The following ADAMTSL1 variants were observed in gnomAD, a reference collection of about 807,000 sequenced individuals.
ADAMTSL1 encodes ADAMTS like 1, also known as ADAMTS-like protein 1.
A neutral mutation model predicts 201.8 loss-of-function variants in ADAMTSL1; 126 were observed. The observed-to-expected ratio is 0.62, with a 90% CI of 0.54 to 0.72. The LOEUF is 0.72. Among genes scored for constraint, ADAMTSL1 ranks in the 30% least tolerant of loss-of-function variants. The pLI is 0.00. For missense variants in ADAMTSL1, 2,679 were observed against 2,277.8 expected (o/e 1.18, Z -3.59); for synonymous variants, 1,121 against 903.4 (o/e 1.24, Z -4.32).
At chr9:18,592,936 C>A (rs1238810274) in intron 4 of ADAMTSL1, among the ~76,000 whole-genome samples, 2 of 152,150 alleles carry the variant, frequency 1.3e-5, no homozygotes, top group South Asian at 2.1e-4. Flanking sequence ...AGATATTTCA[C>A]TTCTCTGGTT....
intron 4 of ADAMTSL1, among the ~76,000 whole-genome samples, chr9:18,581,639 T>G (rs145210906): frequency 1.3e-5 from 2 of 152,282 alleles, no homozygotes; most frequent in African/African-American, 4.8e-5. Flanking sequence ...TGTGCACATT[T>G]GAAACCAAAA....
intron 1 of ADAMTSL1, among the ~76,000 whole-genome samples, chr9:18,477,385 C>A (rs1358009673): frequency 3.3e-5 from 5 of 152,112 alleles, no homozygotes; most frequent in Admixed American, 3.3e-4. Context: ...TCTTTTTCTT[C>A]TCTGTACTAA....
At chr9:18,120,758 A>G (rs1323463944) in intron 1 of ADAMTSL1, among the ~76,000 whole-genome samples, 2 of 152,228 alleles carry the variant, frequency 1.3e-5, no homozygotes, top group Non-Finnish European at 2.9e-5. Context: ...ATATAAATTA[A>G]GTTTAAGAAG....
chr9:18,850,996 A>T (rs940471533), intron 23 of ADAMTSL1, among the ~76,000 whole-genome samples: 2 of 151,806 alleles, frequency 1.3e-5, no homozygotes, highest in Non-Finnish European at 2.9e-5. Flanking sequence ...ATAATTGCTA[A>T]TTTTTTTTTA....
At chr9:18,280,229 G>A (rs1327055450) in intron 2 of ADAMTSL1, among the ~76,000 whole-genome samples, 1 of 152,000 alleles carries the variant, frequency 6.6e-6, no homozygotes, top group Admixed American at 6.5e-5. Context: ...GGGTCTGAAT[G>A]CTGGGTCCAT....
intron 2 of ADAMTSL1, among the ~76,000 whole-genome samples, chr9:18,420,488 T>A (rs1818893142): frequency 6.6e-6 from 1 of 152,156 alleles, no homozygotes; most frequent in Non-Finnish European, 1.5e-5. Flanking sequence ...GCTCAGAATT[T>A]TTCTGACCTG....
chr9:18,555,291 G>A (rs903759193), intron 3 of ADAMTSL1, among the ~76,000 whole-genome samples: 9 of 151,850 alleles, frequency 5.9e-5, no homozygotes, highest in Admixed American at 4.6e-4. Flanking sequence ...TTTTAGAATC[G>A]ACTTCCATCA....
At chr9:18,067,298 TG>T (rs994353567) in intron 1 of ADAMTSL1, among the ~76,000 whole-genome samples, 2 of 152,294 alleles carry the variant, frequency 1.3e-5, no homozygotes, top group African/African-American at 4.8e-5. Flanking sequence ...CTACTTTATT[TG>T]TTTTACTTAC....
chr9:18,724,767 G>T (rs1003171793), intron 15 of ADAMTSL1, among the ~76,000 whole-genome samples: 1 of 152,166 alleles, frequency 6.6e-6, no homozygotes, highest in African/African-American at 2.4e-5. Context: ...TATTATCAAT[G>T]ACAGCTGGGA....
At chr9:18,065,601 G>A (rs575776638) in intron 1 of ADAMTSL1, among the ~76,000 whole-genome samples, 19 of 152,284 alleles carry the variant, frequency 1.2e-4, no homozygotes, top group Non-Finnish European at 2.6e-4. Flanking sequence ...ATAAAATGAC[G>A]TCTTTAAATT....
chr9:18,114,167 C>T (rs1299383513), intron 1 of ADAMTSL1, among the ~76,000 whole-genome samples: 1 of 152,094 alleles, frequency 6.6e-6, no homozygotes, highest in Non-Finnish European at 1.5e-5. Context: ...GCTGAAGATA[C>T]TCATTGGATT....
At chr9:18,681,701 G>GGGGC in intron 11 of ADAMTSL1, 111 bp from the exon 12 acceptor site, 7 of 470,098 alleles carry the variant, frequency 1.5e-5, no homozygotes, top group South Asian at 4.2e-5. Context: ...CTCGTGTGGG[G>GGGGC]GGGGGGGGCG....
chr9:18,612,538 A>G (rs866586441), intron 4 of ADAMTSL1, among the ~76,000 whole-genome samples: 1 of 152,286 alleles, frequency 6.6e-6, no homozygotes, highest in African/African-American at 2.4e-5. Context: ...CTTAATAAAT[A>G]TCAATGGAAC....
intron 2 of ADAMTSL1, among the ~76,000 whole-genome samples, chr9:18,531,251 C>T (rs187578541): frequency 6.6e-6 from 1 of 152,164 alleles, no homozygotes; most frequent in Admixed American, 6.5e-5. Context: ...TCATGAAAAT[C>T]CAGATCACTC....
intron 11 of ADAMTSL1, 115 bp from the exon 12 acceptor site, chr9:18,681,697 T>TGTGTTGGGA (rs370940110): frequency 0.014 from 3,453 of 238,702 alleles, 46 homozygotes; most frequent in East Asian, 0.023. Context: ...AGTCCTCGTG[T>TGTGTTGGGA]GGGGGGGGGG....
At chr9:18,114,298 T>C (rs1215015831) in intron 1 of ADAMTSL1, among the ~76,000 whole-genome samples, 3 of 152,152 alleles carry the variant, frequency 2.0e-5, no homozygotes, top group Admixed American at 2.0e-4. Flanking sequence ...CAGCTACGGA[T>C]AAAGCTATGC....
chr9:18,583,769 C>G (rs1823277469), intron 4 of ADAMTSL1, among the ~76,000 whole-genome samples: 1 of 152,194 alleles, frequency 6.6e-6, no homozygotes, highest in South Asian at 2.1e-4. Flanking sequence ...AGATATGAGA[C>G]AGGAGTCAAA....
At position 18,258,394 on chromosome 9, in the gene ADAMTSL1, G is replaced by A. The variant is rs144196322; in HGVS notation, c.207+94413G>A. ...GATGACAGAACATTGGGAGAAAGAG[G>A]GTTCTGAGCCAGAAAGCCACATAGG... is the stretch of plus-strand genomic sequence containing the variant. On this transcript the variant is annotated intron_variant, in intron 2 of 29. Transcript: ENST00000680146. Among the ~76,000 whole-genome samples, 14 of 152,308 alleles carry A rather than the reference G, an allele frequency of 9.2e-5. No homozygotes were observed. The East Asian group carries it at 2.7e-3, about 29-fold the overall frequency.
intron 1 of ADAMTSL1, among the ~76,000 whole-genome samples, chr9:18,130,616 C>G (rs1345022042): frequency 6.6e-6 from 1 of 152,098 alleles, no homozygotes; most frequent in Non-Finnish European, 1.5e-5. Context: ...TTTTAAAAGA[C>G]ACGGATTATG....
Sources: gnomAD v4.1 joint callset for allele counts (sites outside exome capture counted in the v4.1 genomes callset) on GRCh38, gnomAD v4.1.1 for gene constraint, MANE v1.5 for transcripts, NCBI Gene and HGNC (gene_info 2026-07-23, HGNC 2026-07-21) for gene names.